The following ZNF385B variants were observed in gnomAD, a reference collection of about 807,000 sequenced individuals.
ZNF385B encodes the protein zinc finger protein 533.
A neutral mutation model predicts 39.2 loss-of-function variants in ZNF385B; 23 were observed. The ratio of observed to expected loss-of-function variants is 0.59; its 90% CI spans 0.42 to 0.83. The LOEUF (loss-of-function observed/expected upper bound fraction) is 0.83, where lower values mean the gene tolerates loss of function less well. Among genes scored for constraint, ZNF385B ranks in the 40% least tolerant of loss-of-function variants. ZNF385B has a pLI of 0.00. For synonymous variants in ZNF385B, 205 were observed against 222.6 expected (o/e 0.92, Z 0.70); for missense variants, 552 against 598.9 (o/e 0.92, Z 0.82).
chr2:179,662,151 A>G (rs775370540), intron 3 of ZNF385B, among the ~76,000 whole-genome samples: 2 of 152,230 alleles, frequency 1.3e-5, no homozygotes, highest in Non-Finnish European at 2.9e-5. Context: ...AATCCATTGC[A>G]TGAAAGGACA....
chr2:179,819,908 G>T (rs1707301200), intron 1 of ZNF385B, among the ~76,000 whole-genome samples: 1 of 152,088 alleles, frequency 6.6e-6, no homozygotes, highest in South Asian at 2.1e-4. Flanking sequence ...CATATTGCAC[G>T]AGGTACTTCC....
At chr2:179,482,295 G>C (rs2054086406) in intron 6 of ZNF385B, among the ~76,000 whole-genome samples, 2 of 152,186 alleles carry the variant, frequency 1.3e-5, no homozygotes, top group African/African-American at 4.8e-5. Context: ...AAGTAGAAAA[G>C]AATCAGAAAT....
intron 1 of ZNF385B, among the ~76,000 whole-genome samples, chr2:179,842,421 C>G (rs752875225): frequency 3.3e-5 from 5 of 152,100 alleles, no homozygotes; most frequent in Non-Finnish European, 7.4e-5. Flanking sequence ...TATCTTCATA[C>G]CACCATTGTG....
At chr2:179,649,890 T>A (rs570193297) in intron 3 of ZNF385B, among the ~76,000 whole-genome samples, 19 of 152,322 alleles carry the variant, frequency 1.2e-4, no homozygotes, top group Admixed American at 1.2e-3. Flanking sequence ...TTTAATAAAA[T>A]AAATTCAGTA....
intron 1 of ZNF385B, among the ~76,000 whole-genome samples, chr2:179,802,098 C>A (rs1308823329): frequency 6.6e-6 from 1 of 152,038 alleles, no homozygotes; most frequent in Non-Finnish European, 1.5e-5. Flanking sequence ...ACCCCAAATC[C>A]TTTACACTTC....
At chr2:179,605,056 G>A (rs34105987) in intron 3 of ZNF385B, among the ~76,000 whole-genome samples, 37,375 of 151,808 alleles carry the variant, frequency 0.25, 5,660 homozygotes, top group Non-Finnish European at 0.33. Flanking sequence ...AATAACGTCT[G>A]TCTCCCCTAT....
At chr2:179,858,323 T>C (rs888398080) in intron 1 of ZNF385B, among the ~76,000 whole-genome samples, 1 of 152,242 alleles carries the variant, frequency 6.6e-6, no homozygotes, top group African/African-American at 2.4e-5. Context: ...AGATGTTAAT[T>C]AGAGCTTAAA....
chr2:179,765,365 G>A (rs1295133872), intron 3 of ZNF385B, among the ~76,000 whole-genome samples: 1 of 152,176 alleles, frequency 6.6e-6, no homozygotes, highest in Non-Finnish European at 1.5e-5. Context: ...GCAGTATGGA[G>A]TGACTTTCCC....
intron 1 of ZNF385B, among the ~76,000 whole-genome samples, chr2:179,799,802 A>G (rs1211657079): frequency 6.6e-6 from 1 of 152,122 alleles, no homozygotes; most frequent in African/African-American, 2.4e-5. Flanking sequence ...CTGGTTTGCT[A>G]AAATCCAATC....
chr2:179,679,289 T>C (rs1198237748), intron 3 of ZNF385B, among the ~76,000 whole-genome samples: 1 of 152,228 alleles, frequency 6.6e-6, no homozygotes, highest in Non-Finnish European at 1.5e-5. Context: ...CATCTAGGTT[T>C]ATGTAACTAC....
chr2:179,774,083 G>A lies in ZNF385B; in HGVS notation c.-154-3411C>T, dbSNP rs549813899. On this transcript the variant is annotated intron_variant, in intron 1 of 9. Coordinates refer to ENST00000410066, the MANE Select transcript of ZNF385B (RefSeq NM_152520.6). The stretch of plus-strand genomic sequence containing the variant: ...CGTGTGGGGTGTGTGTGGTATGTGC[G>A]GGGGTGTATAGGTGTGGAGTGTGTG... Among the ~76,000 whole-genome samples the A allele has an allele frequency of 6.2e-4, 94 of 151,658 alleles. No individual in the cohort carries two copies. The South Asian group carries it at 8.6e-3, about 14-fold the overall frequency.
At chr2:179,486,211 A>G (rs1054791854) in intron 5 of ZNF385B, among the ~76,000 whole-genome samples, 1 of 152,202 alleles carries the variant, frequency 6.6e-6, no homozygotes, top group Non-Finnish European at 1.5e-5. Context: ...TTACTCTTTC[A>G]GGCACAATTC....
At chr2:179,454,322 C>A (rs1033257502) in intron 6 of ZNF385B, among the ~76,000 whole-genome samples, 1 of 152,168 alleles carries the variant, frequency 6.6e-6, no homozygotes, top group Non-Finnish European at 1.5e-5. Context: ...CAACACATTA[C>A]TCATGTGCTT....
At chr2:179,498,426 G>C (rs973620665) in intron 5 of ZNF385B, among the ~76,000 whole-genome samples, 1 of 151,810 alleles carries the variant, frequency 6.6e-6, no homozygotes, top group East Asian at 1.9e-4. Context: ...CTCAAGAACA[G>C]ATTTAAAAAA....
At chr2:179,635,210 A>G (rs772636231) in intron 3 of ZNF385B, among the ~76,000 whole-genome samples, 123 of 152,162 alleles carry the variant, frequency 8.1e-4, no homozygotes, top group African/African-American at 2.7e-3. Context: ...AGCCATAAAA[A>G]AGTACGAGTT....
At chr2:179,545,969 G>A (rs1005354530) in intron 3 of ZNF385B, among the ~76,000 whole-genome samples, 6 of 151,976 alleles carry the variant, frequency 3.9e-5, no homozygotes, top group Non-Finnish European at 8.8e-5. Context: ...TCAGCTTGTT[G>A]TGCTATCAAA....
chr2:179,573,734 T>G (rs760595564), intron 3 of ZNF385B, among the ~76,000 whole-genome samples: 4 of 152,102 alleles, frequency 2.6e-5, no homozygotes, highest in Non-Finnish European at 5.9e-5. Flanking sequence ...GAGAAAGCTT[T>G]CAAGGCTTCA....
chr2:179,823,592 A>G (rs1374644959), intron 1 of ZNF385B, among the ~76,000 whole-genome samples: 1 of 152,126 alleles, frequency 6.6e-6, no homozygotes, highest in African/African-American at 2.4e-5. Context: ...CTAGAATTTA[A>G]TGTTTCACTC....
chr2:179,468,656 T>G (rs2052388559), intron 6 of ZNF385B, among the ~76,000 whole-genome samples: 1 of 152,202 alleles, frequency 6.6e-6, no homozygotes, highest in Non-Finnish European at 1.5e-5. Context: ...CTCACCCTCT[T>G]TCCTCTCTAG....
Sources: allele counts gnomAD v4.1 joint callset (sites outside exome capture counted in the v4.1 genomes callset), GRCh38; gene constraint gnomAD v4.1.1; transcripts MANE v1.5; gene names NCBI Gene and HGNC (gene_info 2026-07-23, HGNC 2026-07-21).